ZFAND6: variants seen among roughly 807,000 people sequenced by gnomAD.
The protein encoded by ZFAND6 is zinc finger AN1-type containing 6.
Under a neutral mutation model 24.5 loss-of-function variants are expected in ZFAND6, and 12 were observed. The ratio of observed to expected loss-of-function variants is 0.49; its 90% CI spans 0.31 to 0.79. ZFAND6 has a LOEUF of 0.79. Ranked by LOEUF, ZFAND6 falls within the 30% of genes least tolerant of loss-of-function variation. The pLI is 0.04. For synonymous variants in ZFAND6, 92 were observed against 81.5 expected, an observed-to-expected ratio of 1.13 and a Z score of -0.69; for missense variants, 207 against 245.9, an observed-to-expected ratio of 0.84 and a Z score of 1.06.
chr15:80,092,488 G>A (rs2038442716), intron 1 of ZFAND6, among the ~76,000 whole-genome samples: 1 of 152,130 alleles, frequency 6.6e-6, no homozygotes, highest in Non-Finnish European at 1.5e-5. Context: ...AACTGAATGT[G>A]CTATTTAAAA....
At chr15:80,084,771 TAG>T (rs1300571516) in intron 1 of ZFAND6, among the ~76,000 whole-genome samples, 1 of 152,236 alleles carries the variant, frequency 6.6e-6, no homozygotes, top group Non-Finnish European at 1.5e-5. Context: ...GACTCTGTAT[TAG>T]ACTCTGAGGA....
At position 80,065,434 on chromosome 15, in the gene ZFAND6, ATTGT is replaced by A. The variant is rs1009527078; in HGVS notation, c.-181+5628_-181+5631del. On this transcript the variant is annotated intron_variant, in intron 1 of 6. Transcript: ENST00000261749. ...TTTTGTAAACAAGTGTGTTTCTGTT[ATTGT>A]TTAAGTCTCCCCCCCATCCCCCTTT... 1.0e-4 allele frequency among the ~76,000 whole-genome samples: 15 copies of A among 146,484 alleles called. 1 individual carries two copies. Among genetic ancestry groups the A allele is most frequent in the South Asian group, 6.4e-4 (3 of 4,686 alleles).
chr15:80,131,042 A>G (rs936955027), intron 5 of ZFAND6, 138 bp from the exon 6 acceptor site: 27 of 577,094 alleles, frequency 4.7e-5, no homozygotes, highest in Non-Finnish European at 6.1e-5. Flanking sequence ...TTTGTAAACA[A>G]CTTTGTAATT....
At chr15:80,059,456 T>A (rs988630808), upstream of ZFAND6, 1 of 152,190 alleles carries the variant, frequency 6.6e-6, no homozygotes, top group South Asian at 2.1e-4. Flanking sequence ...GAGGAGCATC[T>A]CCTTTCGCTC....
At chr15:80,108,834 A>G (rs2039467490) in intron 2 of ZFAND6, among the ~76,000 whole-genome samples, 1 of 151,662 alleles carries the variant, frequency 6.6e-6, no homozygotes, top group African/African-American at 2.4e-5. Flanking sequence ...GGGTTCAAGC[A>G]CTTCTGCCTT....
At chr15:80,122,861 A>T (rs1275071660) in intron 5 of ZFAND6, 61 bp downstream of exon 5, 2 of 1,324,420 alleles carry the variant, frequency 1.5e-6, no homozygotes, top group Non-Finnish European at 2.1e-6. Context: ...ACACTATCCT[A>T]GGTGCATGTA....
intron 1 of ZFAND6, among the ~76,000 whole-genome samples, chr15:80,075,660 A>G (rs1207728679): frequency 2.0e-5 from 3 of 152,132 alleles, no homozygotes; most frequent in African/African-American, 7.2e-5. Flanking sequence ...ATATGAGGAA[A>G]AAACTTAATG....
intron 1 of ZFAND6, among the ~76,000 whole-genome samples, chr15:80,072,911 C>A (rs1452347090): frequency 6.6e-6 from 1 of 151,856 alleles, no homozygotes. Context: ...TCTCCAATAA[C>A]AGGATTTTTT....
intron 1 of ZFAND6, among the ~76,000 whole-genome samples, chr15:80,079,085 G>A (rs2037474109): frequency 6.7e-6 from 1 of 150,154 alleles, no homozygotes; most frequent in African/African-American, 2.5e-5. Flanking sequence ...CTTTTGAGAA[G>A]TATGTGTTCT....
At chr15:80,103,515 G>A (rs2039145193) in intron 2 of ZFAND6, among the ~76,000 whole-genome samples, 1 of 152,112 alleles carries the variant, frequency 6.6e-6, no homozygotes, top group African/African-American at 2.4e-5. Context: ...AAGTGTTCAT[G>A]GTATAGTATA....
At chr15:80,131,113 G>C (rs2040579619) in intron 5 of ZFAND6, 67 bp from the exon 6 acceptor site, 2 of 1,183,302 alleles carry the variant, frequency 1.7e-6, no homozygotes, top group African/African-American at 3.0e-5. Context: ...AGACTAGGGA[G>C]GGTGGGATGA....
chr15:80,086,550 T>A (rs2141878412), intron 1 of ZFAND6, among the ~76,000 whole-genome samples: 1 of 152,356 alleles, frequency 6.6e-6, no homozygotes, highest in African/African-American at 2.4e-5. Flanking sequence ...CCTATAGATT[T>A]GCCCTTTCTT....
chr15:80,112,173 T>G (rs935088577), intron 2 of ZFAND6, among the ~76,000 whole-genome samples: 1 of 151,996 alleles, frequency 6.6e-6, no homozygotes, highest in Non-Finnish European at 1.5e-5. Flanking sequence ...GGTAGGAGAA[T>G]TGCTTGAACC....
rs1307467056 is a variant in ZFAND6, at chr15:80,121,760, A to G, written c.203A>G (p.Asp68Gly). 6.2e-7 allele frequency: 1 copy of G among 1,613,922 alleles called. No homozygotes were observed. The highest frequency in any genetic ancestry group is 8.5e-7 in the Non-Finnish European group (1 of 1,179,882). ...GAATCTTTACCAGTTCAATGCACAG[A>G]TGGCAGTGTGCCAGAAGCCCAGTCA... ...LSESLPVQCT[D>G]GSVPEAQSAL... is the part of the protein sequence containing the mutation. Residue 68 changes from aspartate (D) to glycine (G), a missense_variant, in exon 4 of 7, where the codon GAT becomes GGT. Coordinates refer to ENST00000261749, the MANE Select transcript of ZFAND6 (RefSeq NM_019006.4).
At chr15:80,092,079 A>T (rs1409667390) in intron 1 of ZFAND6, among the ~76,000 whole-genome samples, 1 of 152,188 alleles carries the variant, frequency 6.6e-6, no homozygotes, top group African/African-American at 2.4e-5. Flanking sequence ...AGTTTTCTCC[A>T]CATATATCTG....
chr15:80,077,697 C>CTTTTTTTTTT (rs11441423), intron 1 of ZFAND6, among the ~76,000 whole-genome samples: 1 of 115,308 alleles, frequency 8.7e-6, no homozygotes. Flanking sequence ...AGTTTTCTTT[C>CTTTTTTTTTT]TTTTTTTTTT....
Position 80,059,712 on chromosome 15 carries a change from C to T in ZFAND6, c.-278C>T, listed in dbSNP as rs576966051. On this transcript the variant is annotated 5_prime_UTR_variant, in exon 1 of 7. Coordinates refer to ENST00000261749, the MANE Select transcript of ZFAND6 (RefSeq NM_019006.4). ...GACGGAGGGGCCGGCGGTGGCGGAG[C>T]CGGAGCAAGCAGGGGTTCGGCGGCA... is the stretch of plus-strand genomic sequence containing the variant. 4.5e-4 allele frequency: 69 copies of T among 152,676 alleles called. No individual in the cohort carries two copies. In the South Asian group the frequency reaches 0.014, roughly 31 times the overall value. 9.5% of individuals were successfully genotyped at this position (152,676 alleles called of 1,614,324 possible). A position where few individuals can be genotyped will look rare whatever the true frequency, so the allele number is the denominator to read the frequency against.
intron 2 of ZFAND6, among the ~76,000 whole-genome samples, chr15:80,099,109 G>A (rs185198602): frequency 1.1e-4 from 17 of 152,106 alleles, no homozygotes; most frequent in African/African-American, 3.9e-4. Flanking sequence ...CCTAAATGCA[G>A]TTGAAAGTTT....
At chr15:80,099,628 T>TTTTTTTTTC (rs2038924964) in intron 2 of ZFAND6, among the ~76,000 whole-genome samples, 1 of 146,930 alleles carries the variant, frequency 6.8e-6, no homozygotes, top group East Asian at 2.0e-4. Flanking sequence ...CTTTTTTTTT[T>TTTTTTTTTC]TTTTTTCGAG....
Sources: allele counts gnomAD v4.1 joint callset (sites outside exome capture counted in the v4.1 genomes callset), GRCh38; gene constraint gnomAD v4.1.1; transcripts MANE v1.5; gene names NCBI Gene and HGNC (gene_info 2026-07-23, HGNC 2026-07-21).